The following RUSF1 variants were observed in gnomAD, a reference collection of about 807,000 sequenced individuals.
RUSF1 encodes the protein RUS1 family protein C16orf58.
A neutral mutation model predicts 63.0 loss-of-function variants in RUSF1; 58 were observed. The observed-to-expected ratio is 0.92, with a 90% CI of 0.75 to 1.15. The LOEUF is 1.15. Among genes scored for constraint, RUSF1 ranks in the 50% most tolerant of loss-of-function variants. RUSF1 has a pLI of 0.00. For synonymous variants in RUSF1, 274 were observed against 255.8 expected, an observed-to-expected ratio of 1.07 and a Z score of -0.68; for missense variants, 652 against 611.0, an observed-to-expected ratio of 1.07 and a Z score of -0.71.
chr16:31,505,222 C>T (rs1183693430), intron 2 of RUSF1, among the ~76,000 whole-genome samples: 1 of 152,196 alleles, frequency 6.6e-6, no homozygotes, highest in Non-Finnish European at 1.5e-5. Context: ...GTCTGGCCTA[C>T]GTGCACATCC....
chr16:31,496,403 A>G (rs1349410544), intron 6 of RUSF1, among the ~76,000 whole-genome samples: 2 of 152,188 alleles, frequency 1.3e-5, no homozygotes, highest in Non-Finnish European at 2.9e-5. Context: ...GGTCTAATCC[A>G]TGCGGAGTTC....
rs2082560877 is a variant in RUSF1 at position 31,490,810 on chromosome 16, G to C, written c.*25C>G. 1 of 1,612,464 alleles carries C rather than the reference G, an allele frequency of 6.2e-7. No individual in the cohort carries two copies. The highest frequency in any genetic ancestry group is 8.5e-7 in the Non-Finnish European group (1 of 1,178,558). ...TGTCCTTGCTCCAGGTTCCTGCCCT[G>C]GGCTTGGGCCTCCGTCTGGGCTGCT... On this transcript the variant is annotated 3_prime_UTR_variant, in exon 13 of 13. Coordinates refer to ENST00000327237, the MANE Select transcript of RUSF1 (RefSeq NM_022744.4).
chr16:31,490,241 A>G lies in RUSF1; in HGVS notation c.*594T>C. The G allele has an allele frequency of 1.9e-6, 3 of 1,614,138 alleles. No homozygotes were observed. Among genetic ancestry groups the G allele is most frequent in the Non-Finnish European group, 2.5e-6 (3 of 1,179,998 alleles). ...CCATGGAGATGAATGGTAGGGCACC[A>G]TGCTGGGAGGTGGGGCTGGAGGAGC... On this transcript the variant is annotated 3_prime_UTR_variant, in exon 13 of 13. Coordinates refer to ENST00000327237, the MANE Select transcript of RUSF1 (RefSeq NM_022744.4).
In RUSF1 at chr16:31,490,060, G is replaced by T. The variant is rs2082548329; in HGVS notation, c.*775C>A. On this transcript the variant is annotated 3_prime_UTR_variant, in exon 13 of 13. Transcript: ENST00000327237. ...GCAAGAGACTTTAGGGCCAGGCATG[G>T]GGGGACAGAACTCCCACCTCGTTCG... The T allele has an allele frequency of 6.2e-7, 1 of 1,611,494 alleles. No individual in the cohort carries two copies.
chr16:31,496,341 G>T (rs917011503), intron 6 of RUSF1, among the ~76,000 whole-genome samples: 2 of 152,154 alleles, frequency 1.3e-5, no homozygotes, highest in Admixed American at 1.3e-4. Flanking sequence ...GATGACAGGC[G>T]TGAGAGTTAA....
At position 31,489,974 on chromosome 16, in the gene RUSF1, G is replaced by T; in HGVS notation, c.*861C>A. On this transcript the variant is annotated 3_prime_UTR_variant, in exon 13 of 13. Coordinates refer to ENST00000327237, the MANE Select transcript of RUSF1 (RefSeq NM_022744.4). The stretch of plus-strand genomic sequence containing the variant: ...GTAGGGTGGAGTTGGCATGAGTTAA[G>T]CCTGGGCTGGGTGTGTAGACTGGAC... The T allele has an allele frequency of 7.9e-7, 1 of 1,258,810 alleles. No individual in the cohort carries two copies. Among genetic ancestry groups the T allele is most frequent in the South Asian group, 1.3e-5 (1 of 78,150 alleles). 78.0% of individuals were successfully genotyped at this position (1,258,810 alleles called of 1,614,324 possible). A position where few individuals can be genotyped will look rare whatever the true frequency, so the allele number is the denominator to read the frequency against.
rs1171527353 is a variant in RUSF1, at chr16:31,499,500, G to T, written c.487C>A (p.Gln163Lys). Residue 163 changes from glutamine to lysine, a missense_variant, in exon 4 of 13, where the codon CAG (glutamine) becomes AAG (lysine). Physicochemically the swap from Gln to Lys is moderately conservative, Grantham distance 53 (BLOSUM62 1). Transcript: ENST00000327237. Reference sequence around the variant, plus strand: ...GTCCCCGCCCCTCCTCACCTCCACTGCTTGGCATTGCAGTCCAGTTTGCTC... The same window carrying T: ...GTCCCCGCCCCTCCTCACCTCCACTTCTTGGCATTGCAGTCCAGTTTGCTC... ...KGSKLDCNAK[Q>K]WRLFADILND... 3.1e-6 allele frequency: 5 copies of T among 1,606,332 alleles called. No homozygotes were observed. Among genetic ancestry groups the T allele is most frequent in the Admixed American group, 1.7e-5 (1 of 59,566 alleles).
intron 2 of RUSF1, among the ~76,000 whole-genome samples, chr16:31,504,939 G>A (rs1178876483): frequency 1.3e-5 from 2 of 152,208 alleles, no homozygotes; most frequent in African/African-American, 4.8e-5. Context: ...CTTCATAAAA[G>A]TCATTGCCAT....
chr16:31,500,823 G>A, intron 2 of RUSF1, 92 bp from the exon 3 acceptor site: 4 of 1,359,958 alleles, frequency 2.9e-6, no homozygotes, highest in Non-Finnish European at 4.0e-6. Context: ...CCAATTCACT[G>A]AGTCACTGCC....
rs750256741 is a variant in RUSF1 at position 31,493,892 on chromosome 16, C to A, written c.747G>T (p.Met249Ile). Residue 249 changes from methionine to isoleucine, a missense_variant, in exon 7 of 13, where the codon ATG becomes ATT. Transcript: ENST00000327237. ...NLAGLLVSLL[M>I]LPLVSGCPGF... ...CAGGGCAACCTGACACCAGAGGGAG[C>A]ATCAGGAGGCTGACCAAGAGCCCCG... 1.2e-6 allele frequency: 2 copies of A among 1,614,176 alleles called. No homozygotes were observed. Among genetic ancestry groups the A allele is most frequent in the Non-Finnish European group, 1.7e-6 (2 of 1,180,036 alleles).
In RUSF1 at chr16:31,493,776, C is replaced by A. The variant is rs2082587882; in HGVS notation, c.785G>T (p.Gly262Val). Residue 262 changes from glycine to valine, a missense_variant, in exon 8 of 13, where the codon GGA becomes GTA. Gly to Val is a moderately radical substitution (Grantham distance 109). Transcript: ENST00000327237. ...LVSGCPGFSL[G>V]CFFFLTALHI... ...GAGGGCAGTGAGGAAGAAGAAACAT[C>A]CAAGGCTGAAGCTGGGGTGAGAGAG... 1 of 1,614,052 alleles carries A rather than the reference C, an allele frequency of 6.2e-7. No individual in the cohort carries two copies. Among genetic ancestry groups the A allele is most frequent in the Admixed American group, 1.7e-5 (1 of 59,994 alleles).
In RUSF1 at chr16:31,489,495, T is replaced by C; in HGVS notation, c.*1340A>G. The C allele has an allele frequency of 2.9e-6, 2 of 691,498 alleles. No individual in the cohort carries two copies. The highest frequency in any genetic ancestry group is 1.7e-5 in the South Asian group (1 of 59,324). 42.8% of individuals were successfully genotyped at this position (691,498 alleles called of 1,614,324 possible). On this transcript the variant is annotated 3_prime_UTR_variant, in exon 13 of 13. Coordinates refer to ENST00000327237, the MANE Select transcript of RUSF1 (RefSeq NM_022744.4). ...TGCAATTGCCGAGCAAGAATTTTTA[T>C]TTAAATACATTTATTTGAACCGGCC... is the stretch of plus-strand genomic sequence containing the variant.
chr16:31,494,923 C>T (rs961594628), intron 6 of RUSF1, among the ~76,000 whole-genome samples: 3 of 152,156 alleles, frequency 2.0e-5, no homozygotes, highest in South Asian at 2.1e-4. Flanking sequence ...CAATCCCCAC[C>T]TCAGCTTCCC....
rs755934984 is a variant in RUSF1, at chr16:31,490,593, C to A, written c.*242G>T. ...CTCACAGGAAGTGGGGGTGAGGAGCCTGCGGTGCTCCCCAGAAAAGGGGAA... is the reference window on the plus strand; with the variant it reads ...CTCACAGGAAGTGGGGGTGAGGAGCATGCGGTGCTCCCCAGAAAAGGGGAA... On this transcript the variant is annotated 3_prime_UTR_variant, in exon 13 of 13. Transcript: ENST00000327237. The A allele has an allele frequency of 2.2e-5, 31 of 1,412,550 alleles. No individual in the cohort carries two copies. Among genetic ancestry groups the A allele is most frequent in the Non-Finnish European group, 2.5e-5 (25 of 1,014,108 alleles). The allele number at this position is 1,412,550 out of a possible 1,614,324, so 87.5% of individuals were successfully genotyped here.
rs2082558722 is a variant in RUSF1 at position 31,490,658 on chromosome 16, G to C, written c.*177C>G. The C allele has an allele frequency of 4.5e-6, 5 of 1,106,938 alleles. No individual in the cohort carries two copies. Among genetic ancestry groups the C allele is most frequent in the Non-Finnish European group, 6.7e-6 (5 of 745,886 alleles). 68.6% of individuals were successfully genotyped at this position (1,106,938 alleles called of 1,614,324 possible). A position where few individuals can be genotyped will look rare whatever the true frequency, so the allele number is the denominator to read the frequency against. On this transcript the variant is annotated 3_prime_UTR_variant, in exon 13 of 13. Coordinates refer to ENST00000327237, the MANE Select transcript of RUSF1 (RefSeq NM_022744.4). ...AGAAGGTCCTGGCTCCCCTTCTCCC[G>C]GCCTTCCTCTGCCTGGGGCCCACTG...
In RUSF1 at chr16:31,493,902, C is replaced by G. The variant is rs1487061007; in HGVS notation, c.737G>C (p.Ser246Thr). The G allele has an allele frequency of 6.2e-7, 1 of 1,614,208 alleles. No homozygotes were observed. The highest frequency in any genetic ancestry group is 1.1e-5 in the South Asian group (1 of 91,090). The change falls in exon 7 of 13, where the codon AGC becomes ACC. Residue 246 changes from serine (S) to threonine (T), a missense_variant. Ser to Thr is a moderately conservative substitution (Grantham distance 58). Transcript: ENST00000327237. The part of the protein sequence containing the change: ...TLVNLAGLLV[S>T]LLMLPLVSGC... ...TGACACCAGAGGGAGCATCAGGAGG[C>G]TGACCAAGAGCCCCGCCAGGTTCAC... is the stretch of plus-strand genomic sequence containing the variant.
In RUSF1 at chr16:31,490,420, C is replaced by T. The variant is rs2082554501; in HGVS notation, c.*415G>A. Reference sequence around the variant, plus strand: ...CCCCTTACCCAGGAGGAGGCAGCGGCAGCAGCCAGGCGGCTGGAGGACATC... The same window carrying T: ...CCCCTTACCCAGGAGGAGGCAGCGGTAGCAGCCAGGCGGCTGGAGGACATC... On this transcript the variant is annotated 3_prime_UTR_variant, in exon 13 of 13. Coordinates refer to ENST00000327237, the MANE Select transcript of RUSF1 (RefSeq NM_022744.4). The T allele has an allele frequency of 1.2e-6, 2 of 1,613,696 alleles. No homozygotes were observed. Among genetic ancestry groups the T allele is most frequent in the Non-Finnish European group, 1.7e-6 (2 of 1,179,912 alleles).
intron 2 of RUSF1, among the ~76,000 whole-genome samples, chr16:31,504,214 T>C (rs1054513648): frequency 1.4e-4 from 21 of 152,096 alleles, no homozygotes; most frequent in African/African-American, 5.1e-4. Context: ...TTTTTTTTTT[T>C]CATATCTTAA....
In RUSF1 at chr16:31,492,318, G is replaced by A. The variant is rs760909745; in HGVS notation, c.1110C>T (p.Asn370=). 3.8e-6 allele frequency: 6 copies of A among 1,590,510 alleles called. No homozygotes were observed. In the Admixed American group the frequency reaches 5.3e-5, roughly 14 times the overall value. The change falls in exon 11 of 13, where the codon AAC becomes AAT. Residue 370 remains asparagine, a synonymous_variant. Transcript: ENST00000327237. ...QSQNQVQVVL[N]QKAGPKTILR... Reference sequence around the variant, plus strand: ...GGATGGTCTTGGGGCCTGCCTTCTGGTTCAGAACTACCTGTACCTGGTCTG... The same window carrying A: ...GGATGGTCTTGGGGCCTGCCTTCTGATTCAGAACTACCTGTACCTGGTCTG...
Sources: gnomAD v4.1 joint callset for allele counts (sites outside exome capture counted in the v4.1 genomes callset) on GRCh38, gnomAD v4.1.1 for gene constraint, MANE v1.5 for transcripts, NCBI Gene and HGNC (gene_info 2026-07-23, HGNC 2026-07-21) for gene names.